The following AK1 variants were observed in gnomAD, a reference collection of about 807,000 sequenced individuals.
AK1 encodes the protein adenylate kinase 1.
In AK1, 13 loss-of-function variants were observed where a neutral mutation model predicts 23.9. The observed-to-expected ratio is 0.54, with a 90% CI of 0.35 to 0.86. The LOEUF (loss-of-function observed/expected upper bound fraction) is 0.86. Ranked by LOEUF, AK1 falls within the 40% of genes least tolerant of loss-of-function variation. AK1 has a pLI of 0.01. For synonymous variants in AK1, 97 were observed against 102.8 expected (o/e 0.94, Z 0.34); for missense variants, 214 against 255.1 (o/e 0.84, Z 1.10).
rs780008104 is a variant in AK1 at position 127,868,100 on chromosome 9, G to C, written c.517-24C>G. The C allele has an allele frequency of 1.9e-6, 3 of 1,613,216 alleles. No homozygotes were observed. Among genetic ancestry groups the C allele is most frequent in the Non-Finnish European group, 2.5e-6 (3 of 1,179,216 alleles). On this transcript the variant is annotated intron_variant, in intron 6 of 6. Coordinates refer to ENST00000644144, the MANE Select transcript of AK1 (RefSeq NM_000476.3). The surrounding 1 kb of genome is among the most constrained non-coding windows in gnomAD (Gnocchi z 4.1). ...ACCTGTGGGGAGATGGGCCGTGAGGGCTGAGTCACCAGGTGGAGTGGGGTG... is the reference window on the plus strand; with the variant it reads ...ACCTGTGGGGAGATGGGCCGTGAGGCCTGAGTCACCAGGTGGAGTGGGGTG...
In AK1 at chr9:127,871,820, T is replaced by C; in HGVS notation, c.324+3A>G. 1.2e-6 allele frequency: 2 copies of C among 1,613,292 alleles called. No homozygotes were observed. The highest frequency in any genetic ancestry group is 1.7e-6 in the Non-Finnish European group (2 of 1,179,266). ...AGGATCCCCACTTGGGTCAGTGCCT[T>C]ACCCGTCGCTCAAACTCTTCTCCTT... On this transcript the variant is annotated splice_donor_region_variant and intron_variant, in intron 5 of 6. Transcript: ENST00000644144. The surrounding 1 kb of genome is among the most constrained non-coding windows in gnomAD (Gnocchi z 4.4).
intron 5 of AK1, among the ~76,000 whole-genome samples, chr9:127,870,109 G>T (rs1249044296): frequency 1.3e-5 from 2 of 151,946 alleles, no homozygotes; most frequent in Non-Finnish European, 2.9e-5. Flanking sequence ...AAGACCAGCT[G>T]CCCGGACACC....
intron 1 of AK1, among the ~76,000 whole-genome samples, chr9:127,876,118 AATGCCTGGATGCCTTTCCCCACCTTGCT>A (rs1829533198): frequency 6.6e-6 from 1 of 151,960 alleles, no homozygotes; most frequent in South Asian, 2.1e-4. Context: ...TGTTGTACCC[AATGCCTGGATGCCTTTCCCCACCTTGCT>A]ATTGTGTGGG....
chr9:127,873,368 G>T lies in AK1; in HGVS notation c.8-307C>A, dbSNP rs1433910697. The T allele has an allele frequency of 2.5e-6, 4 of 1,569,546 alleles. No individual in the cohort carries two copies. The East Asian group carries it at 7.0e-5, about 27-fold the overall frequency. ...CCAGCCCTCATGGCGCCTCCCTGTG[G>T]GTGCCTGGACCCCGGGGCCGGTCAC... On this transcript the variant is annotated intron_variant, in intron 2 of 6. Coordinates refer to ENST00000644144, the MANE Select transcript of AK1 (RefSeq NM_000476.3).
intron 2 of AK1, chr9:127,874,173 C>A (rs1829485756): frequency 2.0e-6 from 2 of 985,350 alleles, no homozygotes; most frequent in Non-Finnish European, 2.4e-6. Flanking sequence ...TCTCTGCCTG[C>A]CCGTGTCTCC....
Position 127,868,330 on chromosome 9 carries a change from A to G in AK1, c.507T>C (p.Ile169=). 6.3e-7 allele frequency: 1 copy of G among 1,591,548 alleles called. No individual in the cohort carries two copies. Among genetic ancestry groups the G allele is most frequent in the South Asian group, 1.1e-5 (1 of 88,206 alleles). Residue 169 remains isoleucine (I), a synonymous_variant, in exon 6 of 7, where the codon ATT becomes ATC. Coordinates refer to ENST00000644144, the MANE Select transcript of AK1 (RefSeq NM_000476.3). The surrounding 1 kb of genome is among the most constrained non-coding windows in gnomAD (Gnocchi z 4.1). ...GGCCCGCGGGGCCCACCTTGCGCAC[A>G]ATGCCACGTTTCTCATAGAAGGCGA... ...PVIAFYEKRG[I]VRKVNAEGSV...
intron 1 of AK1, among the ~76,000 whole-genome samples, chr9:127,875,186 G>A (rs890665067): frequency 1.3e-5 from 2 of 152,030 alleles, no homozygotes; most frequent in Non-Finnish European, 2.9e-5. Flanking sequence ...GGAGCCGCTC[G>A]CATGAACACA....
At chr9:127,870,173 C>T (rs1829356720) in intron 5 of AK1, among the ~76,000 whole-genome samples, 1 of 151,340 alleles carries the variant, frequency 6.6e-6, no homozygotes, top group Non-Finnish European at 1.5e-5. Context: ...CTCAGCGGCA[C>T]CTACAACAGC....
chr9:127,873,328 C>T, intron 2 of AK1: 2 of 1,540,636 alleles, frequency 1.3e-6, no homozygotes, highest in Non-Finnish European at 1.7e-6. Context: ...TCCACACAGC[C>T]AGCGGGCTGG....
At chr9:127,874,108 G>A in intron 2 of AK1, 2 of 985,464 alleles carry the variant, frequency 2.0e-6, no homozygotes, top group Non-Finnish European at 2.4e-6. Flanking sequence ...AAGGCACAGT[G>A]CCAGGAACTG....
chr9:127,878,712 A>G (rs1228021960), upstream of AK1, among the ~76,000 whole-genome samples: 1 of 152,174 alleles, frequency 6.6e-6, no homozygotes, highest in Non-Finnish European at 1.5e-5. Context: ...TGCCTCAGCA[A>G]CCACAGCAGC....
intron 1 of AK1, among the ~76,000 whole-genome samples, chr9:127,876,235 G>C (rs1829535571): frequency 6.6e-6 from 1 of 152,180 alleles, no homozygotes; most frequent in African/African-American, 2.4e-5. Context: ...GTGCCTCCTG[G>C]AAACCTGCCC....
chr9:127,875,888 G>GC (rs1468252792), intron 1 of AK1, among the ~76,000 whole-genome samples: 1 of 152,102 alleles, frequency 6.6e-6, no homozygotes, highest in Non-Finnish European at 1.5e-5. Context: ...CTGGGCCACT[G>GC]CCCCCGCCTC....
rs1284459498 is a variant in AK1, at chr9:127,871,358, A to G, written c.324+465T>C. Among the ~76,000 whole-genome samples the G allele has an allele frequency of 7.9e-5, 12 of 151,314 alleles. No homozygotes were observed. Among genetic ancestry groups the G allele is most frequent in the Admixed American group, 7.9e-4 (12 of 15,256 alleles). On this transcript the variant is annotated intron_variant, in intron 5 of 6. Transcript: ENST00000644144. The surrounding 1 kb of genome is among the most constrained non-coding windows in gnomAD (Gnocchi z 4.4). ...GAACCTCCCTTGTTGTCCTGCCCAC[A>G]TATTCTGTTCTCCCCACACTGGCCT...
At chr9:127,873,801 C>A (rs902569177) in intron 2 of AK1, 4 of 985,338 alleles carry the variant, frequency 4.1e-6, no homozygotes, top group Non-Finnish European at 4.8e-6. Context: ...CCCCCGCTTC[C>A]CAGGGAAATA....
rs1011934723 is a variant in AK1 at position 127,873,988 on chromosome 9, C to T, written c.7+623G>A. 10 of 985,320 alleles carry T rather than the reference C, an allele frequency of 1.0e-5. No homozygotes were observed. In the African/African-American group the frequency reaches 1.7e-4, roughly 17 times the overall value. 61.0% of individuals were successfully genotyped at this position (985,320 alleles called of 1,614,324 possible). ...AGGGCTCCTCCTGTGGGCCCCTATC[C>T]CGGGGGTGCAGTGGCCGCAGCCCTA... On this transcript the variant is annotated intron_variant, in intron 2 of 6. Transcript: ENST00000644144.
chr9:127,871,783 C>A lies in AK1; in HGVS notation c.324+40G>T, dbSNP rs1193237900. 1 of 1,566,044 alleles carries A rather than the reference C, an allele frequency of 6.4e-7. No homozygotes were observed. The highest frequency in any genetic ancestry group is 8.8e-7 in the Non-Finnish European group (1 of 1,136,978). ...CCATGGGGATGGGAGTCTTATCCTG[C>A]CCCAGCCCACCAGGATCCCCACTTG... On this transcript the variant is annotated intron_variant, in intron 5 of 6. Coordinates refer to ENST00000644144, the MANE Select transcript of AK1 (RefSeq NM_000476.3). The surrounding 1 kb of genome is among the most constrained non-coding windows in gnomAD (Gnocchi z 4.4).
intron 2 of AK1, chr9:127,873,292 G>A: frequency 6.5e-7 from 1 of 1,533,324 alleles, no homozygotes; most frequent in Non-Finnish European, 8.7e-7. Flanking sequence ...GACGGGCAGA[G>A]GCAAAAGCCT....
chr9:127,874,516 C>T (rs1829492804), intron 2 of AK1, 95 bp downstream of exon 2: 2 of 1,610,152 alleles, frequency 1.2e-6, no homozygotes, highest in Admixed American at 3.3e-5. Context: ...GAGCCTCCTC[C>T]AACCCCTCCC....
Sources: allele counts gnomAD v4.1 joint callset (sites outside exome capture counted in the v4.1 genomes callset), GRCh38; gene constraint gnomAD v4.1.1; non-coding constraint Gnocchi (gnomAD v3.1); transcripts MANE v1.5; gene names NCBI Gene and HGNC (gene_info 2026-07-23, HGNC 2026-07-21).